Variants in PRPF39 observed in about 807,000 individuals in gnomAD.
The protein encoded by PRPF39 is pre-mRNA-processing factor 39.
In PRPF39, 27 loss-of-function variants were observed where a neutral mutation model predicts 82.1. The observed-to-expected ratio is 0.33, with a 90% CI of 0.24 to 0.45. PRPF39 has a LOEUF of 0.45. PRPF39 is among the 20% of genes least tolerant of loss of function. The pLI is 1.00. For synonymous variants in PRPF39, 261 were observed against 256.4 expected (o/e 1.02, Z -0.17); for missense variants, 581 against 796.9 (o/e 0.73, Z 3.26).
At chr14:45,107,928 C>CGG (rs148878642) in intron 6 of PRPF39, among the ~76,000 whole-genome samples, 1 of 151,556 alleles carries the variant, frequency 6.6e-6, no homozygotes, top group Non-Finnish European at 1.5e-5. Context: ...GACTCCATCT[C>CGG]GGGGGGAAAA....
At chr14:45,097,096 T>C (rs1342368780) in intron 4 of PRPF39, 91 bp downstream of exon 4, 2 of 1,413,644 alleles carry the variant, frequency 1.4e-6, no homozygotes, top group Non-Finnish European at 1.8e-6. Flanking sequence ...AAGCTGGAAG[T>C]TTAACTTCTA....
At chr14:45,095,909 T>TTTTTTTA (rs1391409735) in intron 2 of PRPF39, among the ~76,000 whole-genome samples, 194 bp from the exon 3 acceptor site, 1 of 150,722 alleles carries the variant, frequency 6.6e-6, no homozygotes, top group African/African-American at 2.4e-5. Context: ...TTTTTTTTTT[T>TTTTTTTA]AAGTGAAAGC....
intron 6 of PRPF39, 76 bp downstream of exon 6, chr14:45,107,692 G>C: frequency 1.4e-6 from 2 of 1,418,656 alleles, no homozygotes; most frequent in Non-Finnish European, 1.9e-6. Context: ...ACTTTGGGAG[G>C]CCAAGGTAGG....
At chr14:45,091,891 ATAG>A (rs1180814027) in intron 1 of PRPF39, among the ~76,000 whole-genome samples, 2 of 152,232 alleles carry the variant, frequency 1.3e-5, no homozygotes, top group Non-Finnish European at 2.9e-5. Context: ...TTGTATATTG[ATAG>A]TAGTTTAAAC....
At chr14:45,099,881 C>T (rs761289425) in intron 4 of PRPF39, among the ~76,000 whole-genome samples, 13 of 152,194 alleles carry the variant, frequency 8.5e-5, no homozygotes, top group Non-Finnish European at 1.8e-4. Flanking sequence ...TTCCTCTGTT[C>T]CCAGGACGGT....
chr14:45,085,838 T>C (rs1188892554), intron 1 of PRPF39, among the ~76,000 whole-genome samples: 1 of 152,088 alleles, frequency 6.6e-6, no homozygotes, highest in Non-Finnish European at 1.5e-5. Flanking sequence ...TTTCAGTCTT[T>C]AGTGATGACT....
chr14:45,109,114 G>T (rs1884626170), intron 7 of PRPF39, among the ~76,000 whole-genome samples: 1 of 152,082 alleles, frequency 6.6e-6, no homozygotes, highest in East Asian at 1.9e-4. Flanking sequence ...ACCACCAACT[G>T]CTTTTTGTTT....
chr14:45,107,389 A>T, intron 5 of PRPF39, 62 bp from the exon 6 acceptor site: 1 of 1,230,392 alleles, frequency 8.1e-7, no homozygotes, highest in Non-Finnish European at 1.1e-6. Flanking sequence ...ATATAGTAGG[A>T]ATCTCAATAT....
At chr14:45,094,225 T>A (rs1190923658) in intron 1 of PRPF39, among the ~76,000 whole-genome samples, 1 of 152,186 alleles carries the variant, frequency 6.6e-6, no homozygotes, top group Non-Finnish European at 1.5e-5. Flanking sequence ...AGACATGCCC[T>A]ATAATTTAAT....
chr14:45,090,090 A>G (rs1480789408), intron 1 of PRPF39, among the ~76,000 whole-genome samples: 3 of 152,246 alleles, frequency 2.0e-5, no homozygotes, highest in African/African-American at 7.2e-5. Flanking sequence ...GTATCAGCCT[A>G]CAGTCTTTTT....
Position 45,108,509 on chromosome 14 carries a change from C to T in PRPF39, c.998C>T (p.Thr333Ile), listed in dbSNP as rs771843049. The T allele has an allele frequency of 1.3e-5, 20 of 1,595,108 alleles. No individual in the cohort carries two copies. The African/African-American group carries it at 1.6e-4, about 13-fold the overall frequency. Residue 333 changes from threonine to isoleucine, a missense_variant, in exon 7 of 14, where the codon ACA (threonine) becomes ATA (isoleucine). Coordinates refer to ENST00000355765, the MANE Select transcript of PRPF39 (RefSeq NM_017922.4). Reference protein sequence around the residue: ...YNEHEVSKRWTFEEGIKRPYF... With the variant: ...YNEHEVSKRWIFEEGIKRPYF... ...GAGCATGAAGTTAGTAAAAGGTGGA[C>T]ATTTGAAGAAGGTGTAAGTGTTTTT...
At chr14:45,108,096 T>C (rs944892605) in intron 6 of PRPF39, among the ~76,000 whole-genome samples, 1 of 152,076 alleles carries the variant, frequency 6.6e-6, no homozygotes, top group South Asian at 2.1e-4. Context: ...CTTGTATGTA[T>C]AGATTTAAGG....
intron 1 of PRPF39, among the ~76,000 whole-genome samples, chr14:45,092,568 T>TC (rs1884065021): frequency 8.2e-6 from 1 of 121,744 alleles, no homozygotes; most frequent in African/African-American, 3.3e-5. Context: ...GCCACTGCAC[T>TC]CCCGCCTGGG....
At chr14:45,089,866 A>T (rs1467413268) in intron 1 of PRPF39, among the ~76,000 whole-genome samples, 1 of 152,118 alleles carries the variant, frequency 6.6e-6, no homozygotes, top group Non-Finnish European at 1.5e-5. Flanking sequence ...TATTCTTTTG[A>T]CTCTGTGATT....
At chr14:45,093,233 T>A (rs987910982) in intron 1 of PRPF39, among the ~76,000 whole-genome samples, 31 of 152,062 alleles carry the variant, frequency 2.0e-4, no homozygotes, top group Admixed American at 1.1e-3. Flanking sequence ...ATTTATTTTT[T>A]TTTTTTTGAG....
Position 45,107,557 on chromosome 14 carries a change from G to T in PRPF39, c.844G>T (p.Asp282Tyr), listed in dbSNP as rs774015130. The change falls in exon 6 of 14, where the codon GAT becomes TAT. Residue 282 changes from aspartate (D) to tyrosine (Y), a missense_variant. Coordinates refer to ENST00000355765, the MANE Select transcript of PRPF39 (RefSeq NM_017922.4). ...TTCTGTAAATGGTCATAGTGGTGAT[G>T]ATGGTCCTCCTGGTGATGATCTACC... ...LASVNGHSGDDGPPGDDLPSG... is the reference protein window; with the variant it reads ...LASVNGHSGDYGPPGDDLPSG... 9 of 1,554,036 alleles carry T rather than the reference G, an allele frequency of 5.8e-6. No individual in the cohort carries two copies. In the South Asian group the frequency reaches 1.1e-4, roughly 18 times the overall value.
intron 4 of PRPF39, among the ~76,000 whole-genome samples, chr14:45,100,463 G>A (rs946094587): frequency 3.3e-5 from 5 of 152,182 alleles, no homozygotes; most frequent in Admixed American, 6.5e-5. Context: ...TGGACACCTA[G>A]CTTCTGAAAT....
In PRPF39 at chr14:45,114,887, C is replaced by G; in HGVS notation, c.1984C>G (p.Gln662Glu). ...YNYQNPWNYG[Q>E]YYPPPPT ...TTATCAGAATCCTTGGAATTATGGA[C>G]AATATTATCCTCCCCCTCCAACCTG... The change falls in exon 14 of 14, where the codon CAA becomes GAA. Residue 662 changes from glutamine (Q) to glutamate (E), a missense_variant. By Grantham distance (29) the Gln-to-Glu change is conservative (BLOSUM62 2). Transcript: ENST00000355765. 6.3e-7 allele frequency: 1 copy of G among 1,599,612 alleles called. No individual in the cohort carries two copies. Among genetic ancestry groups the G allele is most frequent in the Non-Finnish European group, 8.6e-7 (1 of 1,167,450 alleles).
At chr14:45,096,404 T>C in intron 3 of PRPF39, 176 bp downstream of exon 3, 1 of 1,511,428 alleles carries the variant, frequency 6.6e-7, no homozygotes, top group Non-Finnish European at 8.9e-7. Context: ...GTAGCTAATA[T>C]TTTCTCTCTT....
Sources: allele counts gnomAD v4.1 joint callset (sites outside exome capture counted in the v4.1 genomes callset), GRCh38; gene constraint gnomAD v4.1.1; transcripts MANE v1.5; gene names NCBI Gene and HGNC (gene_info 2026-07-23, HGNC 2026-07-21).